PRKN: variants seen among roughly 807,000 people sequenced by gnomAD.
PRKN encodes the protein parkin RBR E3 ubiquitin protein ligase.
In PRKN, 56 loss-of-function variants were observed where a neutral mutation model predicts 59.5. That is an observed-to-expected ratio of 0.94 (90% CI 0.76 to 1.18). The LOEUF is 1.18. Among genes scored for constraint, PRKN ranks in the 50% most tolerant of loss-of-function variants. The pLI is 0.00. For synonymous variants in PRKN, 250 were observed against 222.1 expected (o/e 1.13, Z -1.12); for missense variants, 657 against 596.4 (o/e 1.10, Z -1.06).
chr6:162,221,655 T>A (rs895315385), intron 3 of PRKN, among the ~76,000 whole-genome samples: 1 of 152,176 alleles, frequency 6.6e-6, no homozygotes, highest in Non-Finnish European at 1.5e-5. Flanking sequence ...TCTCCGGCCT[T>A]ATTTCATTAC....
intron 7 of PRKN, among the ~76,000 whole-genome samples, chr6:161,719,419 G>A (rs182114309): frequency 1.1e-4 from 17 of 152,164 alleles, no homozygotes; most frequent in Admixed American, 1.1e-3. Context: ...CAGGCTTTGT[G>A]GGGCTTGCAG....
chr6:161,918,716 G>A (rs1013016418), intron 6 of PRKN, among the ~76,000 whole-genome samples: 34 of 152,080 alleles, frequency 2.2e-4, no homozygotes. Context: ...GCCAGTGCAC[G>A]GCATGACTAA....
intron 2 of PRKN, among the ~76,000 whole-genome samples, chr6:162,368,241 A>G (rs1290573074): frequency 6.6e-6 from 1 of 152,088 alleles, no homozygotes; most frequent in Admixed American, 6.5e-5. Flanking sequence ...GGGTGTCTAC[A>G]CAGGTAAGAG....
chr6:162,653,991 A>G (rs1778545334), intron 1 of PRKN, among the ~76,000 whole-genome samples: 1 of 152,162 alleles, frequency 6.6e-6, no homozygotes, highest in African/African-American at 2.4e-5. Context: ...ACTCTTTTTG[A>G]AGGCAGAGAG....
intron 1 of PRKN, among the ~76,000 whole-genome samples, chr6:162,562,866 G>A (rs1034779716): frequency 6.6e-6 from 1 of 152,190 alleles, no homozygotes; most frequent in Non-Finnish European, 1.5e-5. Context: ...GGTTACAGCA[G>A]GACTTGGGTG....
At chr6:161,567,037 T>TTTG (rs548743646) in intron 8 of PRKN, among the ~76,000 whole-genome samples, 3,885 of 103,676 alleles carry the variant, frequency 0.037, 125 homozygotes, top group South Asian at 0.087. Flanking sequence ...TTTTTTTTTT[T>TTTG]TGTGTGTGTG....
At chr6:162,058,183 C>T (rs919320896) in intron 4 of PRKN, among the ~76,000 whole-genome samples, 3 of 152,188 alleles carry the variant, frequency 2.0e-5, no homozygotes, top group East Asian at 1.9e-4. Context: ...ATACACACTT[C>T]GTTTACCAAA....
At chr6:161,920,683 C>T (rs901838858) in intron 6 of PRKN, among the ~76,000 whole-genome samples, 7 of 146,624 alleles carry the variant, frequency 4.8e-5, no homozygotes, top group Non-Finnish European at 1.1e-4. Context: ...CCAGCTACTC[C>T]GGAGGCTGAG....
intron 2 of PRKN, among the ~76,000 whole-genome samples, chr6:162,340,244 T>A (rs1361107319): frequency 6.6e-6 from 1 of 152,198 alleles, no homozygotes; most frequent in Non-Finnish European, 1.5e-5. Context: ...TTGTCCCAAT[T>A]ACTCAGTTTC....
intron 4 of PRKN, among the ~76,000 whole-genome samples, chr6:162,116,736 C>T (rs769559970): frequency 9.2e-5 from 14 of 152,096 alleles, no homozygotes; most frequent in Non-Finnish European, 1.9e-4. Context: ...CAGCAATACA[C>T]TGAAATAAGT....
At chr6:162,476,161 G>A (rs984000283) in intron 1 of PRKN, among the ~76,000 whole-genome samples, 3 of 149,708 alleles carry the variant, frequency 2.0e-5, no homozygotes, top group Non-Finnish European at 3.0e-5. Flanking sequence ...GGTTTCAAAC[G>A]ATTCTCCTGC....
intron 4 of PRKN, among the ~76,000 whole-genome samples, chr6:162,093,658 C>G (rs1257615988): frequency 6.6e-6 from 1 of 152,134 alleles, no homozygotes; most frequent in Admixed American, 6.5e-5. Flanking sequence ...TCCTGTACCC[C>G]CTAAACATTT....
chr6:161,420,561 G>A (rs1173871331), intron 9 of PRKN, among the ~76,000 whole-genome samples: 1 of 151,558 alleles, frequency 6.6e-6, no homozygotes, highest in African/African-American at 2.4e-5. Context: ...TCACCCAGGC[G>A]GGAGTGCAAT....
At position 161,567,563 on chromosome 6, in the gene PRKN, ATG is replaced by A. The variant is rs534218059; in HGVS notation, c.933+1790_933+1791del. Among the ~76,000 whole-genome samples the A allele has an allele frequency of 8.6e-5, 13 of 151,104 alleles. No individual in the cohort carries two copies. In the East Asian group the frequency reaches 1.2e-3, roughly 14 times the overall value. On this transcript the variant is annotated intron_variant, in intron 8 of 11. Transcript: ENST00000366898. ...AAGAAGGAAGTGTGTGTATGTCTGC[ATG>A]TGTGTGTGTGTGTTTGCGCGTGTGT...
Position 161,376,240 on chromosome 6 carries a change from C to A in PRKN, c.1167+10554G>T, listed in dbSNP as rs923648913. On this transcript the variant is annotated intron_variant, in intron 10 of 11. Transcript: ENST00000366898. The surrounding 1 kb of genome is among the most constrained non-coding windows in gnomAD (Gnocchi z 7.3). ...TGGGGAGCATGGATAAGGGGCAGTT[C>A]GTTGGAGATTGTCAGTCTTGCATCT... 6.6e-6 allele frequency among the ~76,000 whole-genome samples: 1 copy of A among 152,078 alleles called. No individual in the cohort carries two copies. The highest frequency in any genetic ancestry group is 1.5e-5 in the Non-Finnish European group (1 of 68,014).
At chr6:161,810,385 C>T (rs1173200531) in intron 6 of PRKN, among the ~76,000 whole-genome samples, 1 of 152,162 alleles carries the variant, frequency 6.6e-6, no homozygotes, top group Admixed American at 6.5e-5. Context: ...AACTAATATA[C>T]ATGTATATTT....
chr6:162,554,196 T>C (rs1008796336), intron 1 of PRKN, among the ~76,000 whole-genome samples: 1 of 152,112 alleles, frequency 6.6e-6, no homozygotes, highest in African/African-American at 2.4e-5. Flanking sequence ...ATGTAAATAA[T>C]GAGTTGCCAA....
intron 4 of PRKN, among the ~76,000 whole-genome samples, chr6:162,106,020 T>C (rs1780178319): frequency 6.6e-6 from 1 of 152,196 alleles, no homozygotes; most frequent in South Asian, 2.1e-4. Flanking sequence ...TTACTACATC[T>C]GACAGAATTT....
At chr6:162,538,121 G>A (rs373347893) in intron 1 of PRKN, among the ~76,000 whole-genome samples, 3 of 152,174 alleles carry the variant, frequency 2.0e-5, no homozygotes, top group East Asian at 1.9e-4. Context: ...ATACCTCGGC[G>A]GGTGCGGTGG....
Sources: allele counts gnomAD v4.1 joint callset (sites outside exome capture counted in the v4.1 genomes callset), GRCh38; gene constraint gnomAD v4.1.1; non-coding constraint Gnocchi (gnomAD v3.1); transcripts MANE v1.5; gene names NCBI Gene and HGNC (gene_info 2026-07-23, HGNC 2026-07-21).